The following BNC2 variants were observed in gnomAD, a reference collection of about 807,000 sequenced individuals.
The protein encoded by BNC2 is zinc finger protein basonuclin-2.
Under a neutral mutation model 76.3 loss-of-function variants are expected in BNC2, and 20 were observed. That is an observed-to-expected ratio of 0.26 (90% CI 0.18 to 0.38). BNC2 has a LOEUF of 0.38. Among genes scored for constraint, BNC2 ranks in the 10% least tolerant of loss-of-function variants. BNC2 has a pLI of 1.00. For missense variants in BNC2, 1,382 were observed against 1,399.8 expected, an observed-to-expected ratio of 0.99 and a Z score of 0.20; for synonymous variants, 582 against 514.8, an observed-to-expected ratio of 1.13 and a Z score of -1.77.
intron 5 of BNC2, among the ~76,000 whole-genome samples, chr9:16,497,869 G>C (rs748906934): frequency 6.6e-6 from 1 of 151,820 alleles, no homozygotes; most frequent in Non-Finnish European, 1.5e-5. Context: ...GAAATTCTCT[G>C]TTTTCCAAGA....
intron 1 of BNC2, among the ~76,000 whole-genome samples, chr9:16,747,881 C>T (rs1825057242): frequency 6.6e-6 from 1 of 152,282 alleles, no homozygotes; most frequent in Middle Eastern, 3.4e-3. Flanking sequence ...AACTATCTAC[C>T]ATTTTATCCT....
chr9:16,483,431 T>C (rs1822099851), intron 5 of BNC2, among the ~76,000 whole-genome samples: 1 of 152,194 alleles, frequency 6.6e-6, no homozygotes, highest in South Asian at 2.1e-4. Context: ...AGGTGGGCAA[T>C]CCAGTCCTTA....
At chr9:16,475,076 T>C (rs1821901240) in intron 5 of BNC2, among the ~76,000 whole-genome samples, 2 of 152,116 alleles carry the variant, frequency 1.3e-5, no homozygotes, top group Non-Finnish European at 2.9e-5. Context: ...ATTCAGAAAG[T>C]AGGTCTGACT....
chr9:16,512,770 A>T (rs886092464), intron 5 of BNC2, among the ~76,000 whole-genome samples: 8 of 152,176 alleles, frequency 5.3e-5, no homozygotes, highest in Admixed American at 5.2e-4. Flanking sequence ...ACCATCAATT[A>T]GTTGTTTTAC....
At chr9:16,507,102 T>G (rs1822645774) in intron 5 of BNC2, among the ~76,000 whole-genome samples, 1 of 152,094 alleles carries the variant, frequency 6.6e-6, no homozygotes. Context: ...AAAGGAACCT[T>G]TCCTACTTTC....
intron 3 of BNC2, among the ~76,000 whole-genome samples, chr9:16,670,395 C>G (rs534801315): frequency 3.3e-5 from 5 of 152,242 alleles, no homozygotes; most frequent in African/African-American, 1.2e-4. Context: ...GTTCACTGTT[C>G]CCTTGAACTT....
At chr9:16,778,589 T>A (rs1826033425) in intron 1 of BNC2, among the ~76,000 whole-genome samples, 1 of 152,228 alleles carries the variant, frequency 6.6e-6, no homozygotes, top group African/African-American at 2.4e-5. Flanking sequence ...CAAGGTAGCA[T>A]CTGTATTTTG....
intron 1 of BNC2, among the ~76,000 whole-genome samples, chr9:16,835,627 GGGA>G (rs1387834498): frequency 3.3e-5 from 5 of 152,196 alleles, no homozygotes; most frequent in Admixed American, 3.3e-4. Context: ...ACTTGAACCT[GGGA>G]GGCGGAGGTT....
chr9:16,780,402 T>C (rs937273927), intron 1 of BNC2, among the ~76,000 whole-genome samples: 1 of 151,264 alleles, frequency 6.6e-6, no homozygotes, highest in East Asian at 1.9e-4. Context: ...GGAAACCCCG[T>C]CTCTACTAAA....
chr9:16,770,839 C>G (rs147564088), intron 1 of BNC2, among the ~76,000 whole-genome samples: 43 of 151,760 alleles, frequency 2.8e-4, no homozygotes, highest in African/African-American at 1.0e-3. Context: ...TGCCACTGCA[C>G]TCCAGCCTCA....
At chr9:16,556,041 T>C (rs971304388) in intron 4 of BNC2, among the ~76,000 whole-genome samples, 1 of 152,194 alleles carries the variant, frequency 6.6e-6, no homozygotes, top group African/African-American at 2.4e-5. Flanking sequence ...GGCTCACACC[T>C]GTAATCCCAG....
In BNC2 at chr9:16,857,058, A is replaced by G. The variant is rs535036192; in HGVS notation, c.3+13588T>C. On this transcript the variant is annotated intron_variant, in intron 1 of 6. Coordinates refer to ENST00000380672, the MANE Select transcript of BNC2 (RefSeq NM_017637.6). ...ATCTAAACACATGTCAAAATACATC[A>G]TAAAAAATAGAAAAGTAACATTAAT... is the stretch of plus-strand genomic sequence containing the variant. 2.8e-4 allele frequency among the ~76,000 whole-genome samples: 43 copies of G among 152,380 alleles called. 1 individual carries two copies. The South Asian group carries it at 4.3e-3, about 15-fold the overall frequency.
chr9:16,768,035 G>A (rs1341585279), intron 1 of BNC2, among the ~76,000 whole-genome samples: 1 of 150,166 alleles, frequency 6.7e-6, no homozygotes, highest in African/African-American at 2.5e-5. Context: ...GCACAATCTT[G>A]GCTCACTGCA....
chr9:16,564,904 T>G (rs1587177393), intron 4 of BNC2, among the ~76,000 whole-genome samples: 1 of 152,266 alleles, frequency 6.6e-6, no homozygotes, highest in East Asian at 1.9e-4. Context: ...GTTGTCTCCC[T>G]TAACATTATC....
chr9:16,690,019 G>C (rs890211724), intron 3 of BNC2, among the ~76,000 whole-genome samples: 5 of 152,204 alleles, frequency 3.3e-5, no homozygotes, highest in African/African-American at 1.2e-4. Flanking sequence ...CTACGTGGCA[G>C]AGTATGCAGT....
chr9:16,850,549 G>GT (rs1443923638), intron 1 of BNC2, among the ~76,000 whole-genome samples: 6 of 152,294 alleles, frequency 3.9e-5, no homozygotes, highest in Middle Eastern at 3.4e-3. Flanking sequence ...TAAACTATAT[G>GT]TGAAAAATCA....
intron 1 of BNC2, among the ~76,000 whole-genome samples, chr9:16,760,836 A>G (rs1411273354): frequency 6.6e-6 from 1 of 152,156 alleles, no homozygotes; most frequent in Non-Finnish European, 1.5e-5. Context: ...TGGGGAGGAG[A>G]GGGAAACAGG....
intron 4 of BNC2, among the ~76,000 whole-genome samples, chr9:16,576,763 G>A (rs1380430500): frequency 6.6e-6 from 1 of 152,142 alleles, no homozygotes. Context: ...TGTTGAGATG[G>A]AGTCTCGCTC....
intron 1 of BNC2, among the ~76,000 whole-genome samples, chr9:16,846,149 A>C (rs923590757): frequency 1.3e-5 from 2 of 151,996 alleles, no homozygotes; most frequent in Non-Finnish European, 2.9e-5. Context: ...CAAAAAAAAA[A>C]AAAAAAATTA....
Sources: gnomAD v4.1 joint callset for allele counts (sites outside exome capture counted in the v4.1 genomes callset) on GRCh38, gnomAD v4.1.1 for gene constraint, MANE v1.5 for transcripts, NCBI Gene and HGNC (gene_info 2026-07-23, HGNC 2026-07-21) for gene names.